KANK1: variants seen among roughly 807,000 people sequenced by gnomAD.
The protein encoded by KANK1 is KN motif and ankyrin repeat domain-containing protein 1.
A neutral mutation model predicts 106.2 loss-of-function variants in KANK1; 109 were observed. The observed-to-expected ratio is 1.03, with a 90% confidence interval of 0.88 to 1.20. KANK1 has a LOEUF of 1.20. KANK1 is among the 50% of genes most tolerant of loss of function. KANK1 has a pLI of 0.00. For synonymous variants in KANK1, 873 were observed against 652.2 expected, an observed-to-expected ratio of 1.34 and a Z score of -5.16; for missense variants, 2,399 against 1,710.7, an observed-to-expected ratio of 1.40 and a Z score of -7.10.
At position 741,487 on chromosome 9, in the gene KANK1, C is replaced by CTT. The variant is rs71314737; in HGVS notation, c.3696+570_3696+571dup. ...AACAGGCACACACCACCACACCTGG[C>CTT]TTTTTTTTTTTTTTTTTTGAGACTA... On this transcript the variant is annotated intron_variant, in intron 9 of 11. Transcript: ENST00000382297. 3.2e-3 allele frequency among the ~76,000 whole-genome samples: 346 copies of CTT among 109,532 alleles called. 8 individuals carry two copies. The highest frequency in any genetic ancestry group is 7.7e-3 in the African/African-American group (241 of 31,150). The allele number at this position is 109,532 out of a possible 152,430, so 71.9% of individuals were successfully genotyped here. A position where few individuals can be genotyped will look rare whatever the true frequency, so the allele number is the denominator to read the frequency against.
intron 1 of KANK1, chr9:547,402 G>A (rs1352847601): frequency 6.6e-6 from 1 of 152,186 alleles, no homozygotes; most frequent in Non-Finnish European, 1.5e-5. Flanking sequence ...CCGCAACGAT[G>A]TGTAAATCTA....
In KANK1 at chr9:711,159, T is replaced by C; in HGVS notation, c.393T>C (p.Phe131=). The change falls in exon 3 of 12, where the codon TTT becomes TTC. Residue 131 remains phenylalanine (F), a synonymous_variant. Coordinates refer to ENST00000382297, the MANE Select transcript of KANK1 (RefSeq NM_015158.5). ...CCCCTCTGGAGACCTCACTCCCTTT[T>C]CTTACCATCCCAGAAAATCGACAGC... is the stretch of plus-strand genomic sequence containing the variant. The part of the protein sequence containing the change: ...PPPPLETSLP[F]LTIPENRQLP... 3 of 1,614,152 alleles carry C rather than the reference T, an allele frequency of 1.9e-6. No homozygotes were observed. Among genetic ancestry groups the C allele is most frequent in the Non-Finnish European group, 2.5e-6 (3 of 1,180,040 alleles).
At chr9:700,954 T>G (rs188512881) in intron 2 of KANK1, among the ~76,000 whole-genome samples, 112 of 152,296 alleles carry the variant, frequency 7.4e-4, no homozygotes, top group African/African-American at 2.5e-3. Context: ...ACAGGACACA[T>G]TATTTCACCC....
At chr9:515,954 G>A (rs972352213) in intron 1 of KANK1, among the ~76,000 whole-genome samples, 3 of 151,790 alleles carry the variant, frequency 2.0e-5, no homozygotes, top group South Asian at 2.1e-4. Flanking sequence ...CTTTTATTCT[G>A]GGCACCTATT....
intron 2 of KANK1, among the ~76,000 whole-genome samples, chr9:709,804 G>A (rs1386624685): frequency 6.6e-6 from 1 of 151,914 alleles, no homozygotes; most frequent in African/African-American, 2.4e-5. Context: ...TAGTAGGGAC[G>A]AGGTTTTACC....
intron 6 of KANK1, chr9:733,317 A>C (rs1050237160): frequency 5.9e-5 from 9 of 152,360 alleles, no homozygotes; most frequent in African/African-American, 1.9e-4. Flanking sequence ...CAGAAAACTT[A>C]CCTCTATTTA....
chr9:550,769 G>C (rs1015819236), intron 1 of KANK1, among the ~76,000 whole-genome samples: 1 of 152,164 alleles, frequency 6.6e-6, no homozygotes, highest in Non-Finnish European at 1.5e-5. Flanking sequence ...AATTATGAGC[G>C]TAAGGCCCAG....
chr9:663,510 G>A (rs1263924264), intron 1 of KANK1, among the ~76,000 whole-genome samples: 2 of 152,218 alleles, frequency 1.3e-5, no homozygotes, highest in African/African-American at 4.8e-5. Context: ...GAAACATAAA[G>A]TTGGTTAACT....
rs2058459752 is a variant in KANK1, at chr9:496,411, G to A, written c.-362+23138G>A. Among the ~76,000 whole-genome samples, 3 of 152,064 alleles carry A rather than the reference G, an allele frequency of 2.0e-5. No homozygotes were observed. The South Asian group carries it at 6.2e-4, about 32-fold the overall frequency. ...CCTACTAAAAATACAAAAATTAGCT[G>A]GGCATGGTGGCACATATGCCTGTAT... On this transcript the variant is annotated intron_variant, in intron 3 of 15. Transcript: ENST00000382303.
intron 4 of KANK1, 181 bp downstream of exon 4, chr9:730,429 C>T: frequency 1.5e-6 from 1 of 656,176 alleles, no homozygotes; most frequent in South Asian, 1.9e-5. Flanking sequence ...TGGTGGCTCA[C>T]ACCTGTGATC....
intron 3 of KANK1, among the ~76,000 whole-genome samples, chr9:484,939 A>T (rs2132219439): frequency 6.6e-6 from 1 of 152,224 alleles, no homozygotes; most frequent in Middle Eastern, 3.4e-3. Flanking sequence ...AGAATGCAAA[A>T]AAAAAAAGTT....
At chr9:637,601 G>A (rs530381936) in intron 1 of KANK1, among the ~76,000 whole-genome samples, 2 of 152,266 alleles carry the variant, frequency 1.3e-5, no homozygotes, top group South Asian at 4.1e-4. Context: ...CCCAGATGAT[G>A]CTAATGCTTT....
chr9:542,546 A>G (rs978802442), intron 1 of KANK1, among the ~76,000 whole-genome samples: 16 of 152,224 alleles, frequency 1.1e-4, no homozygotes, highest in African/African-American at 3.1e-4. Context: ...TGATCCAGCA[A>G]TCCTACTTCT....
At chr9:684,815 A>G (rs1818240981) in intron 2 of KANK1, among the ~76,000 whole-genome samples, 1 of 152,144 alleles carries the variant, frequency 6.6e-6, no homozygotes, top group African/African-American at 2.4e-5. Context: ...CTCCTTTTCT[A>G]TAAAAGGTGG....
At chr9:538,898 T>A (rs2060443313) in intron 1 of KANK1, among the ~76,000 whole-genome samples, 1 of 152,218 alleles carries the variant, frequency 6.6e-6, no homozygotes, top group South Asian at 2.1e-4. Flanking sequence ...TTATTTATTT[T>A]TTGAGACAGT....
intron 3 of KANK1, among the ~76,000 whole-genome samples, chr9:718,587 G>C (rs1423063612): frequency 6.6e-6 from 1 of 152,084 alleles, no homozygotes; most frequent in African/African-American, 2.4e-5. Context: ...TGGGATTACA[G>C]GTGTGAGCCA....
chr9:578,863 G>C (rs117105912), intron 1 of KANK1, among the ~76,000 whole-genome samples: 73 of 152,248 alleles, frequency 4.8e-4, no homozygotes, highest in Non-Finnish European at 8.4e-4. Context: ...GTAGGCTCAA[G>C]CTATGCTAAA....
chr9:658,182 A>G (rs925423649), intron 1 of KANK1, among the ~76,000 whole-genome samples: 6 of 152,186 alleles, frequency 3.9e-5, no homozygotes, highest in African/African-American at 1.4e-4. Flanking sequence ...ATGATAAACA[A>G]AGCCCAGAGC....
rs965155091 is a variant in KANK1 at position 745,345 on chromosome 9, CAG to C, written c.*112_*113del. 2.2e-6 allele frequency: 3 copies of C among 1,386,126 alleles called. No individual in the cohort carries two copies. Among genetic ancestry groups the C allele is most frequent in the Non-Finnish European group, 3.1e-6 (3 of 982,032 alleles). The allele number at this position is 1,386,126 out of a possible 1,614,324, so 85.9% of individuals were successfully genotyped here. On this transcript the variant is annotated 3_prime_UTR_variant, in exon 12 of 12. Coordinates refer to ENST00000382297, the MANE Select transcript of KANK1 (RefSeq NM_015158.5). ...TATTGTGCCTGAGCTCACCAGCAAA[CAG>C]AAGCATCAAGCCCAGGGGTAAAGGC...
Sources: allele counts gnomAD v4.1 joint callset (sites outside exome capture counted in the v4.1 genomes callset), GRCh38; gene constraint gnomAD v4.1.1; transcripts MANE v1.5; gene names NCBI Gene and HGNC (gene_info 2026-07-23, HGNC 2026-07-21).